The following FOXJ3 variants were observed in gnomAD, a reference collection of about 807,000 sequenced individuals.
FOXJ3 encodes the protein forkhead box J3.
FOXJ3 carries 22 observed loss-of-function variants against 76.1 expected under a neutral mutation model. That is an observed-to-expected ratio of 0.29 (90% CI 0.21 to 0.41). The LOEUF (loss-of-function observed/expected upper bound fraction) is 0.41, where lower values mean the gene tolerates loss of function less well. FOXJ3 is among the 10% of genes least tolerant of loss of function. The probability of loss-of-function intolerance (pLI) is 1.00; values close to 1 mark genes in which losing one functional copy is unlikely to be tolerated. For synonymous variants in FOXJ3, 269 were observed against 261.2 expected (o/e 1.03, Z -0.29); for missense variants, 613 against 762.1 (o/e 0.80, Z 2.30).
At chr1:42,282,562 C>T (rs1557698036) in intron 2 of FOXJ3, among the ~76,000 whole-genome samples, 1 of 152,144 alleles carries the variant, frequency 6.6e-6, no homozygotes, top group Non-Finnish European at 1.5e-5. Context: ...CACCTCCTCT[C>T]CCCCAACCAC....
chr1:42,269,639 A>T (rs185439645), intron 3 of FOXJ3, among the ~76,000 whole-genome samples: 34 of 152,284 alleles, frequency 2.2e-4, no homozygotes, highest in Admixed American at 9.8e-4. Context: ...ATTTAAAATT[A>T]AACTCAATCT....
chr1:42,288,558 G>A (rs1431206590), intron 2 of FOXJ3, among the ~76,000 whole-genome samples: 1 of 152,198 alleles, frequency 6.6e-6, no homozygotes, highest in Non-Finnish European at 1.5e-5. Flanking sequence ...TGTTAAGTAT[G>A]ATGTACAGAA....
chr1:42,328,405 C>T (rs1481648497), intron 1 of FOXJ3, among the ~76,000 whole-genome samples: 1 of 152,174 alleles, frequency 6.6e-6, no homozygotes, highest in Non-Finnish European at 1.5e-5. Flanking sequence ...CCTCTTATTG[C>T]ACTCTAAGTT....
At position 42,191,598 on chromosome 1, in the gene FOXJ3, A is replaced by G. The variant is rs760328568; in HGVS notation, c.1056T>C (p.Ser352=). The change falls in exon 9 of 13, where the codon AGT becomes AGC. Residue 352 remains serine (S), a synonymous_variant. Coordinates refer to ENST00000361346, the MANE Select transcript of FOXJ3 (RefSeq NM_014947.5). ...PHSNQSSLSN[S]HGSGLNTTGS... ...CTGTGGTGTTGAGGCCACTGCCATG[A>G]CTGTTGGACAGGCTGCTTTGGTTGC... The G allele has an allele frequency of 1.2e-6, 2 of 1,614,140 alleles. No individual in the cohort carries two copies. The highest frequency in any genetic ancestry group is 2.2e-5 in the East Asian group (1 of 44,878).
chr1:42,334,389 C>G (rs1471732117), intron 1 of FOXJ3, among the ~76,000 whole-genome samples: 1 of 152,172 alleles, frequency 6.6e-6, no homozygotes, highest in Non-Finnish European at 1.5e-5. Context: ...GTTAACCTCC[C>G]TCCTCACCAG....
At chr1:42,221,221 G>A (rs1647179226) in intron 5 of FOXJ3, among the ~76,000 whole-genome samples, 2 of 152,140 alleles carry the variant, frequency 1.3e-5, no homozygotes, top group Admixed American at 1.3e-4. Context: ...GAACATCTGA[G>A]TTTTATTATG....
At chr1:42,258,848 G>T (rs1395919671) in intron 4 of FOXJ3, among the ~76,000 whole-genome samples, 1 of 152,044 alleles carries the variant, frequency 6.6e-6, no homozygotes. Flanking sequence ...ATATCATAAC[G>T]AATTCCCAAG....
chr1:42,324,103 T>TATATATA lies in FOXJ3; in HGVS notation c.-18+10955_-18+10956insTATATAT, dbSNP rs1553170579. The stretch of plus-strand genomic sequence containing the variant: ...TAGTATATATACTGTATATATACTG[T>TATATATA]GTATATACACTGTATATACACAGTG... On this transcript the variant is annotated intron_variant, in intron 1 of 12. Transcript: ENST00000361346. Among the ~76,000 whole-genome samples the TATATATA allele has an allele frequency of 2.8e-3, 251 of 88,172 alleles. 17 individuals carry two copies. Among genetic ancestry groups the TATATATA allele is most frequent in the East Asian group, 6.1e-3 (20 of 3,290 alleles). The allele number at this position is 88,172 out of a possible 152,430, so 57.8% of individuals were successfully genotyped here.
intron 3 of FOXJ3, 115 bp from the exon 4 acceptor site, chr1:42,265,304 G>A: frequency 1.8e-6 from 1 of 555,124 alleles, no homozygotes. Flanking sequence ...AATTACAAAT[G>A]GAATAAACTT....
intron 2 of FOXJ3, among the ~76,000 whole-genome samples, chr1:42,309,001 C>CGAAAAA (rs1016055460): frequency 9.6e-6 from 1 of 103,850 alleles, no homozygotes; most frequent in Admixed American, 1.1e-4. Flanking sequence ...AGTCGTTTTA[C>CGAAAAA]AAAAAAAAAA....
At chr1:42,322,909 A>T (rs1439214824) in intron 1 of FOXJ3, among the ~76,000 whole-genome samples, 1 of 152,162 alleles carries the variant, frequency 6.6e-6, no homozygotes, top group South Asian at 2.1e-4. Context: ...TTAGTTCACA[A>T]CTGGAGTATT....
chr1:42,236,972 C>T (rs978238916), intron 4 of FOXJ3, among the ~76,000 whole-genome samples: 4 of 152,074 alleles, frequency 2.6e-5, no homozygotes, highest in Non-Finnish European at 5.9e-5. Context: ...CTATTGATAT[C>T]TTTTGCCCAT....
At chr1:42,220,164 G>C (rs1647151319) in intron 5 of FOXJ3, among the ~76,000 whole-genome samples, 1 of 152,170 alleles carries the variant, frequency 6.6e-6, no homozygotes, top group African/African-American at 2.4e-5. Context: ...TTCCATAAAA[G>C]TGTTGAATGC....
intron 4 of FOXJ3, among the ~76,000 whole-genome samples, chr1:42,238,079 GC>G (rs1648841705): frequency 6.6e-6 from 1 of 151,978 alleles, no homozygotes; most frequent in Non-Finnish European, 1.5e-5. Context: ...TGTCACCCAG[GC>G]TGGAGTGGAG....
chr1:42,281,920 G>A (rs1397719103), intron 2 of FOXJ3, among the ~76,000 whole-genome samples: 1 of 152,114 alleles, frequency 6.6e-6, no homozygotes, highest in Non-Finnish European at 1.5e-5. Context: ...TTAGCTGGAT[G>A]TGGTGGCACA....
intron 9 of FOXJ3, 74 bp downstream of exon 9, chr1:42,191,229 C>T: frequency 7.2e-7 from 1 of 1,393,534 alleles, no homozygotes; most frequent in Non-Finnish European, 9.7e-7. Flanking sequence ...GTAAATACTA[C>T]ATGAGCTCTA....
intron 1 of FOXJ3, among the ~76,000 whole-genome samples, chr1:42,324,125 A>AGTGTATATATAGTATATATACACT: frequency 3.8e-5 from 2 of 52,944 alleles, no homozygotes; most frequent in African/African-American, 1.8e-4. Context: ...GTATATACAC[A>AGTGTATATATAGTATATATACACT]GTGTATATAC....
At chr1:42,305,498 C>T (rs1010406297) in intron 2 of FOXJ3, among the ~76,000 whole-genome samples, 1 of 152,164 alleles carries the variant, frequency 6.6e-6, no homozygotes, top group Non-Finnish European at 1.5e-5. Flanking sequence ...TGGAAGCATC[C>T]TAAGTGTCCA....
At chr1:42,261,289 T>C (rs972248223) in intron 4 of FOXJ3, among the ~76,000 whole-genome samples, 2 of 151,328 alleles carry the variant, frequency 1.3e-5, no homozygotes, top group African/African-American at 4.8e-5. Flanking sequence ...GGAGATAGAC[T>C]GCAGAATGTA....
Sources: allele counts gnomAD v4.1 joint callset (sites outside exome capture counted in the v4.1 genomes callset), GRCh38; gene constraint gnomAD v4.1.1; transcripts MANE v1.5; gene names NCBI Gene and HGNC (gene_info 2026-07-23, HGNC 2026-07-21).